The following EML4 variants were observed in gnomAD, a reference collection of about 807,000 sequenced individuals.
EML4 encodes EMAP like 4.
A neutral mutation model predicts 129.0 loss-of-function variants in EML4; 72 were observed. The observed-to-expected ratio is 0.56, with a 90% CI of 0.46 to 0.68. The LOEUF is 0.68. Ranked by LOEUF, EML4 falls within the 30% of genes least tolerant of loss-of-function variation. The pLI, the probability that EML4 is intolerant of heterozygous loss-of-function variation, is 0.00. For synonymous variants in EML4, 532 were observed against 405.0 expected (o/e 1.31, Z -3.77); for missense variants, 1,363 against 1,190.6 (o/e 1.14, Z -2.13).
At chr2:42,205,557 G>A (rs963498629) in intron 1 of EML4, among the ~76,000 whole-genome samples, 1 of 152,174 alleles carries the variant, frequency 6.6e-6, no homozygotes, top group Non-Finnish European at 1.5e-5. Context: ...GCTCTTAGAA[G>A]CTGTGTGGTG....
chr2:42,240,399 A>C (rs974304510), intron 1 of EML4, among the ~76,000 whole-genome samples: 4 of 152,194 alleles, frequency 2.6e-5, no homozygotes, highest in African/African-American at 9.6e-5. Context: ...GTACTTCACA[A>C]CTTCTTTCTG....
At chr2:42,203,275 A>G (rs1672344887) in intron 1 of EML4, among the ~76,000 whole-genome samples, 1 of 152,184 alleles carries the variant, frequency 6.6e-6, no homozygotes, top group Non-Finnish European at 1.5e-5. Flanking sequence ...TATGAAGGTA[A>G]GTTTGGTTTT....
intron 17 of EML4, among the ~76,000 whole-genome samples, chr2:42,310,407 T>C: frequency 6.6e-6 from 1 of 151,402 alleles, no homozygotes; most frequent in South Asian, 2.1e-4. Flanking sequence ...TGCAGTGACA[T>C]AATCTCAGCT....
rs569566698 is a variant in EML4 at position 42,303,002 on chromosome 2, G to C, written c.1642-102G>C. 3.2e-4 allele frequency: 394 copies of C among 1,230,942 alleles called. 1 individual carries two copies. In the African/African-American group the frequency reaches 5.4e-3, roughly 17 times the overall value. 76.3% of individuals were successfully genotyped at this position (1,230,942 alleles called of 1,614,324 possible). A position where few individuals can be genotyped will look rare whatever the true frequency, so the allele number is the denominator to read the frequency against. ...TTACCATATCCAAATTTGGGCTTTCGTCATAATTACCTCATAATTGCTTAC... is the reference window on the plus strand; with the variant it reads ...TTACCATATCCAAATTTGGGCTTTCCTCATAATTACCTCATAATTGCTTAC... On this transcript the variant is annotated intron_variant, in intron 14 of 22. Coordinates refer to ENST00000318522, the MANE Select transcript of EML4 (RefSeq NM_019063.5).
At chr2:42,283,821 G>T (rs1667145004) in intron 8 of EML4, among the ~76,000 whole-genome samples, 1 of 152,202 alleles carries the variant, frequency 6.6e-6, no homozygotes, top group Non-Finnish European at 1.5e-5. Flanking sequence ...TGGTGAGGTT[G>T]TAGTGTACCT....
intron 1 of EML4, among the ~76,000 whole-genome samples, chr2:42,176,056 C>T (rs1434308949): frequency 1.3e-5 from 2 of 149,100 alleles, no homozygotes; most frequent in Non-Finnish European, 3.0e-5. Context: ...GGTCTTTTCT[C>T]TACTCCAATA....
rs773837243 is a variant in EML4 at position 42,315,990 on chromosome 2, GATC to G, written c.1997_1999del (p.Asp666_Leu667delinsVal). 1.2e-6 allele frequency: 2 copies of G among 1,613,484 alleles called. No individual in the cohort carries two copies. The highest frequency in any genetic ancestry group is 1.7e-6 in the Non-Finnish European group (2 of 1,179,570). On this transcript the variant is annotated inframe_deletion, in exon 18 of 23. Coordinates refer to ENST00000318522, the MANE Select transcript of EML4 (RefSeq NM_019063.5). ...GTTTGTTCTGGATGCAGAAACCAGA[GATC>G]TAGTTTCTATCCACACAGACGGGAA...
At chr2:42,178,726 C>T (rs1053490921) in intron 1 of EML4, among the ~76,000 whole-genome samples, 1 of 152,076 alleles carries the variant, frequency 6.6e-6, no homozygotes, top group Non-Finnish European at 1.5e-5. Flanking sequence ...TGACTGGTTC[C>T]CCACTTATTT....
At chr2:42,284,117 G>A (rs1667163394) in intron 8 of EML4, among the ~76,000 whole-genome samples, 1 of 152,182 alleles carries the variant, frequency 6.6e-6, no homozygotes. Flanking sequence ...TTAGCGCTAA[G>A]AACTAATTAA....
At chr2:42,328,830 T>C (rs1669944278) in intron 21 of EML4, 56 bp from the exon 22 acceptor site, 2 of 1,412,494 alleles carry the variant, frequency 1.4e-6, no homozygotes, top group Non-Finnish European at 1.9e-6. Context: ...ATATATAGCA[T>C]CACAGTTATA....
intron 1 of EML4, among the ~76,000 whole-genome samples, chr2:42,191,169 A>AT (rs1193487279): frequency 6.6e-6 from 1 of 152,038 alleles, no homozygotes; most frequent in African/African-American, 2.4e-5. Context: ...TATGTTCATT[A>AT]TTTTTTTTAA....
Position 42,332,308 on chromosome 2 carries a change from G to A in EML4, c.*2101G>A, listed in dbSNP as rs775430426. ...TTTCAAAAGACACTACTAATACGCAGGAAGCGTTCCAGCTATTTAATGCTG... is the reference window on the plus strand; with the variant it reads ...TTTCAAAAGACACTACTAATACGCAAGAAGCGTTCCAGCTATTTAATGCTG... On this transcript the variant is annotated 3_prime_UTR_variant, in exon 23 of 23. Transcript: ENST00000318522. 4.7e-6 allele frequency: 1 copy of A among 212,312 alleles called. No homozygotes were observed. The highest frequency in any genetic ancestry group is 5.9e-5 in the Admixed American group (1 of 17,008). The allele number at this position is 212,312 out of a possible 1,614,324, so 13.2% of individuals were successfully genotyped here.
Position 42,177,877 on chromosome 2 carries a change from T to C in EML4, c.25+8241T>C, listed in dbSNP as rs550675444. Among the ~76,000 whole-genome samples the C allele has an allele frequency of 1.6e-3, 246 of 152,318 alleles. 1 individual carries two copies. Among genetic ancestry groups the C allele is most frequent in the African/African-American group, 5.7e-3 (237 of 41,576 alleles). On this transcript the variant is annotated intron_variant, in intron 1 of 22. Coordinates refer to ENST00000318522, the MANE Select transcript of EML4 (RefSeq NM_019063.5). ...TAAAATATCAGTACTTCGTGTGATA[T>C]TGCTTCATGGAACATTTAATTTCAG... is the stretch of plus-strand genomic sequence containing the variant.
intron 1 of EML4, among the ~76,000 whole-genome samples, chr2:42,199,325 A>G (rs1017736345): frequency 1.3e-5 from 2 of 152,206 alleles, no homozygotes; most frequent in African/African-American, 4.8e-5. Flanking sequence ...CGTGGATTGG[A>G]ATTTGCCCAG....
At chr2:42,184,659 C>T (rs1671142842) in intron 1 of EML4, among the ~76,000 whole-genome samples, 1 of 152,028 alleles carries the variant, frequency 6.6e-6, no homozygotes, top group African/African-American at 2.4e-5. Flanking sequence ...TTACTAATTC[C>T]TGTTTATCCA....
intron 13 of EML4, among the ~76,000 whole-genome samples, chr2:42,299,991 T>G (rs906344846): frequency 1.3e-5 from 2 of 152,230 alleles, no homozygotes; most frequent in African/African-American, 4.8e-5. Flanking sequence ...CAGCCTTCAC[T>G]TAGCATTATG....
intron 11 of EML4, among the ~76,000 whole-genome samples, chr2:42,294,131 C>T (rs1238042789): frequency 6.6e-6 from 1 of 152,168 alleles, no homozygotes; most frequent in East Asian, 1.9e-4. Context: ...TAGAAATACA[C>T]TGTTTTAGAA....
intron 1 of EML4, among the ~76,000 whole-genome samples, chr2:42,178,121 C>G (rs544778539): frequency 6.6e-6 from 1 of 152,184 alleles, no homozygotes; most frequent in African/African-American, 2.4e-5. Context: ...ACAGCAGCAG[C>G]AGCAGAAAGA....
intron 17 of EML4, among the ~76,000 whole-genome samples, chr2:42,313,184 C>A (rs1357632891): frequency 6.6e-6 from 1 of 151,630 alleles, no homozygotes; most frequent in East Asian, 2.0e-4. Context: ...TCTCGATCTC[C>A]TGACCTCGTG....
Sources: gnomAD v4.1 joint callset for allele counts (sites outside exome capture counted in the v4.1 genomes callset) on GRCh38, gnomAD v4.1.1 for gene constraint, MANE v1.5 for transcripts, NCBI Gene and HGNC (gene_info 2026-07-23, HGNC 2026-07-21) for gene names.